CRADD: variants seen among roughly 807,000 people sequenced by gnomAD.
CRADD encodes the protein CARD and death domain containing adaptor protein, also known as death domain-containing protein CRADD.
Under a neutral mutation model 15.5 loss-of-function variants are expected in CRADD, and 9 were observed. The observed-to-expected ratio is 0.58, with a 90% confidence interval of 0.35 to 1.01. CRADD has a LOEUF of 1.01. Ranked by LOEUF, CRADD falls within the 50% of genes least tolerant of loss-of-function variation. CRADD has a pLI of 0.02. For missense variants in CRADD, 227 were observed against 250.3 expected, an observed-to-expected ratio of 0.91 and a Z score of 0.63; for synonymous variants, 118 against 107.6, an observed-to-expected ratio of 1.10 and a Z score of -0.60.
At chr12:93,866,057 T>C (rs1346595634) in intron 2 of CRADD, among the ~76,000 whole-genome samples, 1 of 152,218 alleles carries the variant, frequency 6.6e-6, no homozygotes, top group Non-Finnish European at 1.5e-5. Context: ...TTTCCCTCTC[T>C]AGAAGCTTTA....
At chr12:93,694,998 T>C (rs1955666445) in intron 2 of CRADD, among the ~76,000 whole-genome samples, 1 of 152,182 alleles carries the variant, frequency 6.6e-6, no homozygotes, top group Admixed American at 6.5e-5. Flanking sequence ...AGACCCTGAA[T>C]TGCCAAAGCA....
intron 2 of CRADD, among the ~76,000 whole-genome samples, chr12:93,781,003 G>A (rs557910033): frequency 4.7e-5 from 7 of 150,018 alleles, no homozygotes; most frequent in African/African-American, 7.3e-5. Flanking sequence ...TAATCCACCC[G>A]CCTCAGCCTC....
At chr12:93,755,975 A>G (rs1956885329) in intron 2 of CRADD, among the ~76,000 whole-genome samples, 1 of 152,220 alleles carries the variant, frequency 6.6e-6, no homozygotes, top group Non-Finnish European at 1.5e-5. Context: ...CATCTTTAGA[A>G]CAATTCTAAA....
intron 2 of CRADD, among the ~76,000 whole-genome samples, chr12:93,839,516 C>A (rs1035945181): frequency 2.0e-5 from 3 of 152,204 alleles, no homozygotes; most frequent in Non-Finnish European, 2.9e-5. Context: ...ATTTTACCCA[C>A]ACTGCCAACT....
intron 2 of CRADD, among the ~76,000 whole-genome samples, chr12:93,687,366 CATT>C (rs1955461943): frequency 6.6e-6 from 1 of 152,128 alleles, no homozygotes; most frequent in Non-Finnish European, 1.5e-5. Flanking sequence ...TGATTTAACT[CATT>C]GTTGCTCAGC....
At chr12:93,726,549 T>C (rs547324706) in intron 2 of CRADD, among the ~76,000 whole-genome samples, 3 of 152,328 alleles carry the variant, frequency 2.0e-5, no homozygotes, top group Middle Eastern at 6.8e-3. Flanking sequence ...GAAGGAAGCT[T>C]TACTAGTACT....
intron 2 of CRADD, among the ~76,000 whole-genome samples, chr12:93,769,589 C>T (rs1436396008): frequency 2.0e-5 from 3 of 152,184 alleles, no homozygotes; most frequent in Non-Finnish European, 4.4e-5. Context: ...AAAGTGGTTG[C>T]ACAAATCTAC....
At position 93,834,327 on chromosome 12, in the gene CRADD, C is replaced by T. The variant is rs780028998; in HGVS notation, c.299-15643C>T. Among the ~76,000 whole-genome samples the T allele has an allele frequency of 5.9e-5, 9 of 152,116 alleles. No homozygotes were observed. The East Asian group carries it at 1.5e-3, about 26-fold the overall frequency. ...TAAGAACTTTCACTCTTTTTCCTTC[C>T]TTCCTTCCCTTTAGATTTTAGTTAG... is the stretch of plus-strand genomic sequence containing the variant. On this transcript the variant is annotated intron_variant, in intron 2 of 2. Coordinates refer to ENST00000332896, the MANE Select transcript of CRADD (RefSeq NM_003805.5).
chr12:93,817,424 C>T (rs142660275), intron 2 of CRADD, among the ~76,000 whole-genome samples: 2 of 152,232 alleles, frequency 1.3e-5, no homozygotes, highest in Non-Finnish European at 2.9e-5. Context: ...CATTTGAGGT[C>T]GATGCTGTCG....
chr12:93,821,916 G>A (rs891596628), intron 2 of CRADD, among the ~76,000 whole-genome samples: 3 of 152,066 alleles, frequency 2.0e-5, no homozygotes, highest in South Asian at 2.1e-4. Flanking sequence ...CCAAGAGTTC[G>A]AGACCAGCCT....
intron 2 of CRADD, among the ~76,000 whole-genome samples, chr12:93,751,727 G>A (rs1272539878): frequency 6.6e-6 from 1 of 152,174 alleles, no homozygotes; most frequent in Admixed American, 6.5e-5. Context: ...TAGCCAGGGT[G>A]GTGGTGTGTG....
At chr12:93,722,956 T>A (rs1297495053) in intron 2 of CRADD, among the ~76,000 whole-genome samples, 2 of 152,104 alleles carry the variant, frequency 1.3e-5, no homozygotes, top group African/African-American at 4.8e-5. Flanking sequence ...GTGATAGAAG[T>A]GTGGGAGGAG....
At chr12:93,794,127 GT>G (rs1957384297) in intron 2 of CRADD, among the ~76,000 whole-genome samples, 1 of 152,122 alleles carries the variant, frequency 6.6e-6, no homozygotes, top group Non-Finnish European at 1.5e-5. Context: ...ATTGGCTCAT[GT>G]GCACCCACAT....
intron 2 of CRADD, among the ~76,000 whole-genome samples, chr12:93,751,701 C>T (rs887917825): frequency 2.0e-5 from 3 of 152,156 alleles, no homozygotes; most frequent in African/African-American, 7.2e-5. Context: ...CCCGTCTCTA[C>T]TAAAAATACA....
chr12:93,748,808 A>T (rs1030068268), intron 2 of CRADD, among the ~76,000 whole-genome samples: 1 of 152,152 alleles, frequency 6.6e-6, no homozygotes, highest in African/African-American at 2.4e-5. Context: ...CTCTTCTGGG[A>T]GTTGATTGGA....
At chr12:93,782,767 T>C (rs1957226539) in intron 2 of CRADD, among the ~76,000 whole-genome samples, 1 of 152,230 alleles carries the variant, frequency 6.6e-6, no homozygotes, top group African/African-American at 2.4e-5. Context: ...GGTAATTTTA[T>C]TGAGTTGGTG....
intron 2 of CRADD, among the ~76,000 whole-genome samples, chr12:93,753,294 C>A (rs1181051014): frequency 1.3e-5 from 2 of 152,162 alleles, no homozygotes; most frequent in Non-Finnish European, 2.9e-5. Flanking sequence ...CCTCCCATTA[C>A]ATGTGAGGAT....
chr12:93,739,649 AAAAG>A (rs1956639226), intron 2 of CRADD, among the ~76,000 whole-genome samples: 1 of 152,174 alleles, frequency 6.6e-6, no homozygotes, highest in African/African-American at 2.4e-5. Context: ...CAGAAAGACA[AAAAG>A]AAAACTCATA....
At chr12:93,701,156 A>G (rs994494870) in intron 2 of CRADD, among the ~76,000 whole-genome samples, 1 of 152,158 alleles carries the variant, frequency 6.6e-6, no homozygotes, top group African/African-American at 2.4e-5. Flanking sequence ...CCTTATCTAT[A>G]TTAATTATTG....
Sources: allele counts gnomAD v4.1 joint callset (sites outside exome capture counted in the v4.1 genomes callset), GRCh38; gene constraint gnomAD v4.1.1; transcripts MANE v1.5; gene names NCBI Gene and HGNC (gene_info 2026-07-23, HGNC 2026-07-21).